Variants in WWOX observed in about 807,000 individuals in gnomAD.
WWOX encodes the protein WW domain-containing oxidoreductase.
WWOX carries 69 observed loss-of-function variants against 46.2 expected under a neutral mutation model. That is an observed-to-expected ratio of 1.49 (90% CI 1.23 to 1.82). The LOEUF is 1.82. Among genes scored for constraint, WWOX ranks in the 40% most tolerant of loss-of-function variants. The pLI, the probability that WWOX is intolerant of heterozygous loss-of-function variation, is 0.00. For synonymous variants in WWOX, 359 were observed against 202.6 expected, an observed-to-expected ratio of 1.77 and a Z score of -6.56; for missense variants, 919 against 542.6, an observed-to-expected ratio of 1.69 and a Z score of -6.89.
intron 8 of WWOX, among the ~76,000 whole-genome samples, chr16:78,875,374 A>G (rs1045539344): frequency 3.3e-5 from 5 of 152,172 alleles, no homozygotes; most frequent in Non-Finnish European, 5.9e-5. Context: ...AGTATATAAG[A>G]CATTTCCAGT....
chr16:78,529,032 T>C (rs1332313730), intron 8 of WWOX, among the ~76,000 whole-genome samples: 1 of 151,280 alleles, frequency 6.6e-6, no homozygotes, highest in Non-Finnish European at 1.5e-5. Flanking sequence ...TGGCTTACTA[T>C]AGCCTTGACC....
chr16:78,489,649 G>T (rs2084729998), intron 8 of WWOX, among the ~76,000 whole-genome samples: 1 of 152,116 alleles, frequency 6.6e-6, no homozygotes, highest in Non-Finnish European at 1.5e-5. Flanking sequence ...TGATAGTCTT[G>T]CTCTCCAGGG....
At chr16:78,200,911 T>A (rs1021450991) in intron 5 of WWOX, among the ~76,000 whole-genome samples, 17 of 152,140 alleles carry the variant, frequency 1.1e-4, no homozygotes, top group African/African-American at 4.1e-4. Flanking sequence ...AGGGTATGGG[T>A]GCACAGCAGA....
intron 8 of WWOX, among the ~76,000 whole-genome samples, chr16:78,824,577 G>A (rs1027210588): frequency 2.0e-5 from 3 of 152,076 alleles, no homozygotes; most frequent in Non-Finnish European, 2.9e-5. Context: ...TTACAGTTCC[G>A]CACGGCTGGG....
intron 8 of WWOX, among the ~76,000 whole-genome samples, chr16:78,695,912 T>A (rs770379394): frequency 2.6e-5 from 4 of 152,076 alleles, no homozygotes; most frequent in Non-Finnish European, 5.9e-5. Flanking sequence ...CAAAGTGGGG[T>A]CCCTGGACCG....
At position 78,601,422 on chromosome 16, in the gene WWOX, G is replaced by A. The variant is rs150219253; in HGVS notation, c.1056+168670G>A. ...GTGTTGCCTTCCTTGACTGGTGCAT[G>A]GGAATTCCCCAGCAGAGAGAAAAAA... On this transcript the variant is annotated intron_variant, in intron 8 of 8. Transcript: ENST00000566780. 7.2e-3 allele frequency among the ~76,000 whole-genome samples: 1,056 copies of A among 146,072 alleles called. 7 individuals are homozygous for A. Among genetic ancestry groups the A allele is most frequent in the African/African-American group, 0.02 (777 of 39,456 alleles).
chr16:78,680,999 A>G, intron 8 of WWOX, among the ~76,000 whole-genome samples: 1 of 152,218 alleles, frequency 6.6e-6, no homozygotes. Context: ...CTGTAATCCC[A>G]GCACTTTGGG....
intron 8 of WWOX, among the ~76,000 whole-genome samples, chr16:78,923,966 A>AT (rs1176551395): frequency 6.6e-6 from 1 of 151,670 alleles, no homozygotes; most frequent in East Asian, 1.9e-4. Flanking sequence ...CGCCTGGCTA[A>AT]TTTTTTGTTT....
chr16:78,848,066 A>G (rs868523079), intron 8 of WWOX, among the ~76,000 whole-genome samples: 25 of 152,204 alleles, frequency 1.6e-4, no homozygotes, highest in Admixed American at 6.5e-4. Context: ...CTACTAGCCA[A>G]GCTACCACCT....
intron 8 of WWOX, among the ~76,000 whole-genome samples, chr16:78,803,004 C>T (rs886653809): frequency 6.9e-6 from 1 of 144,954 alleles, no homozygotes. Flanking sequence ...CATCACCAGG[C>T]CTGCCATGGA....
intron 5 of WWOX, among the ~76,000 whole-genome samples, chr16:78,333,877 CAG>C (rs1567507731): frequency 6.6e-6 from 1 of 152,154 alleles, no homozygotes; most frequent in African/African-American, 2.4e-5. Context: ...AGAAAAAACA[CAG>C]AACAACACAG....
intron 8 of WWOX, among the ~76,000 whole-genome samples, chr16:78,778,893 C>A (rs898380419): frequency 1.3e-5 from 2 of 152,162 alleles, no homozygotes; most frequent in African/African-American, 2.4e-5. Context: ...TTCATTTTCC[C>A]ATAAGGTGGT....
Position 78,392,107 on chromosome 16 carries a change from C to T in WWOX, c.605+5159C>T, listed in dbSNP as rs373696525. ...CTAGGCCACAAACCAATAGCGGAGC[C>T]GTGGCCTGTTATAAATTGGGTGGCA... On this transcript the variant is annotated intron_variant, in intron 6 of 8. Transcript: ENST00000566780. Among the ~76,000 whole-genome samples the T allele has an allele frequency of 1.1e-3, 160 of 151,952 alleles. 3 individuals carry two copies. The highest frequency in any genetic ancestry group is 2.6e-3 in the African/African-American group (106 of 41,414).
At chr16:78,160,573 T>G (rs2034762267) in intron 4 of WWOX, among the ~76,000 whole-genome samples, 1 of 152,250 alleles carries the variant, frequency 6.6e-6, no homozygotes, top group South Asian at 2.1e-4. Flanking sequence ...ATGTCTTATT[T>G]ATTTATACAT....
At chr16:78,114,380 G>T (rs145375140) in intron 3 of WWOX, among the ~76,000 whole-genome samples, 2 of 152,126 alleles carry the variant, frequency 1.3e-5, no homozygotes, top group African/African-American at 4.8e-5. Flanking sequence ...GATTACAGGC[G>T]TGAGCCACTG....
intron 8 of WWOX, among the ~76,000 whole-genome samples, chr16:78,763,917 C>A (rs1258634149): frequency 6.6e-6 from 1 of 152,184 alleles, no homozygotes. Flanking sequence ...AAACCCTCTT[C>A]TATTTCCTTT....
At chr16:78,476,428 G>A (rs1445237568) in intron 8 of WWOX, among the ~76,000 whole-genome samples, 1 of 152,140 alleles carries the variant, frequency 6.6e-6, no homozygotes, top group Non-Finnish European at 1.5e-5. Flanking sequence ...GACACAGGAA[G>A]GGGAACATCA....
At chr16:78,746,841 A>G (rs575855184) in intron 8 of WWOX, among the ~76,000 whole-genome samples, 2 of 152,274 alleles carry the variant, frequency 1.3e-5, no homozygotes, top group South Asian at 2.1e-4. Flanking sequence ...AGGAAAATAA[A>G]TATTTGATCT....
chr16:78,758,949 A>C (rs374416505), intron 8 of WWOX, among the ~76,000 whole-genome samples: 23 of 152,004 alleles, frequency 1.5e-4, no homozygotes, highest in South Asian at 6.2e-4. Context: ...AAAAAAAAAA[A>C]AACAAAAAAC....
Sources: gnomAD v4.1 joint callset for allele counts (sites outside exome capture counted in the v4.1 genomes callset) on GRCh38, gnomAD v4.1.1 for gene constraint, MANE v1.5 for transcripts, NCBI Gene and HGNC (gene_info 2026-07-23, HGNC 2026-07-21) for gene names.